Variants in ESRP1 observed in about 807,000 individuals in gnomAD.
ESRP1 encodes RNA-binding motif protein 35A.
Under a neutral mutation model 81.7 loss-of-function variants are expected in ESRP1, and 33 were observed. That is an observed-to-expected ratio of 0.40 (90% CI 0.31 to 0.54). ESRP1 has a LOEUF of 0.54. Ranked by LOEUF, ESRP1 falls within the 20% of genes least tolerant of loss-of-function variation. ESRP1 has a pLI of 0.41. For missense variants in ESRP1, 672 were observed against 833.1 expected (o/e 0.81, Z 2.38); for synonymous variants, 320 against 303.3 (o/e 1.06, Z -0.57).
At chr8:94,654,997 G>A (rs1029538171) in intron 4 of ESRP1, among the ~76,000 whole-genome samples, 3 of 151,790 alleles carry the variant, frequency 2.0e-5, no homozygotes, top group African/African-American at 7.3e-5. Context: ...GAGAAAGCTG[G>A]TTGGGAGAAG....
chr8:94,641,628 G>A, intron 1 of ESRP1, 178 bp downstream of exon 1: 1 of 904,900 alleles, frequency 1.1e-6, no homozygotes. Context: ...CAACTGCCTT[G>A]GAGCCATTTC....
chr8:94,702,714 A>G (rs374150259), intron 15 of ESRP1, among the ~76,000 whole-genome samples: 12 of 152,042 alleles, frequency 7.9e-5, no homozygotes, highest in African/African-American at 2.7e-4. Context: ...CAATCTCCTG[A>G]CCTCGTGATC....
rs180925202 is a variant in ESRP1 at position 94,654,360 on chromosome 8, T to C, written c.491-7912T>C. ...TACTTTTAAAATGGGAGTTTGGAAA[T>C]TCCAAGTTAATCCTTTTGTTTTAGA... On this transcript the variant is annotated intron_variant, in intron 4 of 15. Coordinates refer to ENST00000433389, the MANE Select transcript of ESRP1 (RefSeq NM_017697.4). 6.8e-3 allele frequency among the ~76,000 whole-genome samples: 1,041 copies of C among 152,278 alleles called. 14 individuals carry two copies. Among genetic ancestry groups the C allele is most frequent in the Non-Finnish European group, 8.5e-3 (575 of 68,020 alleles).
chr8:94,654,867 G>A (rs1818317073), intron 4 of ESRP1, among the ~76,000 whole-genome samples: 1 of 150,910 alleles, frequency 6.6e-6, no homozygotes, highest in South Asian at 2.1e-4. Flanking sequence ...GGATGTCAAA[G>A]CTATAGTGAG....
rs368354464 is a variant in ESRP1 at position 94,671,473 on chromosome 8, G to A, written c.1254G>A (p.Ser418=). Residue 418 remains serine, a synonymous_variant, in exon 11 of 16, where the codon TCG becomes TCA. Coordinates refer to ENST00000433389, the MANE Select transcript of ESRP1 (RefSeq NM_017697.4). The part of the protein sequence containing the change: ...EVQQVLNRFS[S]APLIPLPTPP... Reference sequence around the variant, plus strand: ...TACAGGTGCTGAATCGATTCTCCTCGGCCCCTCTCATTCCACTTCCAACCC... The same window carrying A: ...TACAGGTGCTGAATCGATTCTCCTCAGCCCCTCTCATTCCACTTCCAACCC... 24 of 1,612,608 alleles carry A rather than the reference G, an allele frequency of 1.5e-5. No individual in the cohort carries two copies. Among genetic ancestry groups the A allele is most frequent in the African/African-American group, 2.7e-5 (2 of 74,844 alleles).
chr8:94,684,220 ATTG>A (rs1345686741), intron 13 of ESRP1, among the ~76,000 whole-genome samples: 1 of 152,126 alleles, frequency 6.6e-6, no homozygotes, highest in Non-Finnish European at 1.5e-5. Flanking sequence ...GGTGAGATAG[ATTG>A]TTGGGAGATT....
intron 9 of ESRP1, among the ~76,000 whole-genome samples, chr8:94,667,252 G>T (rs1367422470): frequency 6.6e-6 from 1 of 151,538 alleles, no homozygotes; most frequent in South Asian, 2.1e-4. Flanking sequence ...AAAGAAGAAC[G>T]TGCTATTAGG....
intron 14 of ESRP1, among the ~76,000 whole-genome samples, chr8:94,693,407 G>A (rs1405093085): frequency 6.6e-6 from 1 of 152,106 alleles, no homozygotes; most frequent in East Asian, 1.9e-4. Context: ...TTCTACCCCA[G>A]TCTGTGTCCA....
intron 6 of ESRP1, among the ~76,000 whole-genome samples, chr8:94,663,258 A>C (rs1343943231): frequency 6.6e-6 from 1 of 152,046 alleles, no homozygotes. Flanking sequence ...TTATTTATTT[A>C]TTTTAGTTTT....
At chr8:94,648,204 C>A (rs984255797) in intron 4 of ESRP1, among the ~76,000 whole-genome samples, 1 of 152,056 alleles carries the variant, frequency 6.6e-6, no homozygotes, top group East Asian at 1.9e-4. Flanking sequence ...CTGCAGTGAG[C>A]TATGATTGTG....
intron 4 of ESRP1, among the ~76,000 whole-genome samples, chr8:94,649,998 C>G (rs911364115): frequency 2.0e-5 from 3 of 152,100 alleles, no homozygotes; most frequent in Admixed American, 2.0e-4. Context: ...TCTCCCTCTT[C>G]CTCTCCCTGC....
intron 10 of ESRP1, 139 bp from the exon 11 acceptor site, chr8:94,671,314 A>T (rs1209106271): frequency 1.6e-6 from 1 of 615,272 alleles, no homozygotes; most frequent in Non-Finnish European, 2.8e-6. Flanking sequence ...TTCAGTTCAG[A>T]TGAAGATTCA....
chr8:94,651,513 C>T (rs753942580), intron 4 of ESRP1, among the ~76,000 whole-genome samples: 3 of 151,998 alleles, frequency 2.0e-5, no homozygotes, highest in African/African-American at 4.8e-5. Flanking sequence ...TTGTGTCTAC[C>T]GAGCCAAACT....
intron 13 of ESRP1, among the ~76,000 whole-genome samples, chr8:94,680,306 T>G (rs1342114395): frequency 6.6e-6 from 1 of 152,250 alleles, no homozygotes; most frequent in African/African-American, 2.4e-5. Flanking sequence ...TTAGTGAAAT[T>G]ACCTACATAA....
In ESRP1 at chr8:94,641,392, C is replaced by T; in HGVS notation, c.74C>T (p.Ser25Leu). ...TAGATGAKLG[S>L]DEKELILLFW... is the part of the protein sequence containing the mutation. ...GGGGCCACCGGGGCCAAGCTAGGCT[C>T]GGATGAGAAGGAGTTGATCCTGCTG... Residue 25 changes from serine to leucine, a missense_variant, in exon 1 of 16, where the codon TCG (serine) becomes TTG (leucine). By Grantham distance (145) the Ser-to-Leu change is moderately radical. Transcript: ENST00000433389. 1.2e-6 allele frequency: 2 copies of T among 1,613,828 alleles called. No homozygotes were observed. The highest frequency in any genetic ancestry group is 1.7e-6 in the Non-Finnish European group (2 of 1,179,868).
intron 2 of ESRP1, 46 bp downstream of exon 2, chr8:94,642,130 C>G: frequency 6.3e-7 from 1 of 1,593,180 alleles, no homozygotes; most frequent in Non-Finnish European, 8.5e-7. Flanking sequence ...GGGCCCAACC[C>G]CACCGCACCC....
At chr8:94,672,238 A>G (rs1242623444) in intron 11 of ESRP1, among the ~76,000 whole-genome samples, 1 of 152,170 alleles carries the variant, frequency 6.6e-6, no homozygotes, top group African/African-American at 2.4e-5. Flanking sequence ...ATCAAATTAC[A>G]TTCAATAGGA....
chr8:94,705,902 A>AT lies in ESRP1; in HGVS notation c.*36-23_*36-22insT. 8 of 1,207,522 alleles carry AT rather than the reference A, an allele frequency of 6.6e-6. No homozygotes were observed. In the East Asian group the frequency reaches 8.6e-5, roughly 13 times the overall value. The allele number at this position is 1,207,522 out of a possible 1,614,324, so 74.8% of individuals were successfully genotyped here. ...GAGACTATAACATTTCCTTTTATTCACTTTTTTTTTTTTTTTTTTCAGTGT... is the reference window on the plus strand; with the variant it reads ...GAGACTATAACATTTCCTTTTATTCATCTTTTTTTTTTTTTTTTTTCAGTGT... On this transcript the variant is annotated intron_variant, in intron 15 of 15. Transcript: ENST00000433389.
At chr8:94,688,750 G>A (rs1809249416) in intron 13 of ESRP1, 1 of 152,400 alleles carries the variant, frequency 6.6e-6, no homozygotes, top group South Asian at 2.1e-4. Flanking sequence ...GTACTGTACT[G>A]TAATGATTGC....
Sources: allele counts gnomAD v4.1 joint callset (sites outside exome capture counted in the v4.1 genomes callset), GRCh38; gene constraint gnomAD v4.1.1; transcripts MANE v1.5; gene names NCBI Gene and HGNC (gene_info 2026-07-23, HGNC 2026-07-21).